SKIL: variants seen among roughly 807,000 people sequenced by gnomAD.
SKIL encodes the protein ski-like protein.
In SKIL, 20 loss-of-function variants were observed where a neutral mutation model predicts 69.6. The ratio of observed to expected loss-of-function variants is 0.29; its 90% CI spans 0.20 to 0.42. The LOEUF (loss-of-function observed/expected upper bound fraction) is 0.42, where lower values mean the gene tolerates loss of function less well. Among genes scored for constraint, SKIL ranks in the 10% least tolerant of loss-of-function variants. The pLI is 1.00. For synonymous variants in SKIL, 310 were observed against 279.9 expected (o/e 1.11, Z -1.08); for missense variants, 745 against 783.1 (o/e 0.95, Z 0.58).
In SKIL at chr3:170,392,263, C is replaced by G. The variant is rs1240953256; in HGVS notation, c.1901C>G (p.Ala634Gly). The change falls in exon 7 of 7, where the codon GCA (alanine) becomes GGA (glycine). Residue 634 changes from alanine to glycine, a missense_variant. By Grantham distance (60) the Ala-to-Gly change is moderately conservative. Transcript: ENST00000259119. ...DKEAEYAGQL[A>G]ELRQRLDHAE... ...AGCGCCTTTTAAATCACATAGTTGG[C>G]AGAACTGAGGCAGAGATTGGACCAT... 2.5e-6 allele frequency: 4 copies of G among 1,593,070 alleles called. No individual in the cohort carries two copies. The Admixed American group carries it at 7.2e-5, about 29-fold the overall frequency.
intron 6 of SKIL, among the ~76,000 whole-genome samples, chr3:170,391,552 C>T (rs536210276): frequency 6.6e-6 from 1 of 152,180 alleles, no homozygotes; most frequent in Non-Finnish European, 1.5e-5. Flanking sequence ...AACTCCTGAC[C>T]TCATGATCTG....
rs1425332535 is a variant in SKIL, at chr3:170,384,664, G to A, written c.1328G>A (p.Ser443Asn). Residue 443 changes from serine to asparagine, a missense_variant, in exon 4 of 7, where the codon AGT becomes AAT. Coordinates refer to ENST00000259119, the MANE Select transcript of SKIL (RefSeq NM_005414.5). ...SISRQSEKAH[S>N]SGKLQKTVSY... ...TCAAGACAGTCAGAGAAGGCTCACA[G>A]TAGTGGTAAACTTCAAAAAACAGTG... The A allele has an allele frequency of 6.2e-7, 1 of 1,612,504 alleles. No homozygotes were observed. The highest frequency in any genetic ancestry group is 1.1e-5 in the South Asian group (1 of 91,046).
At chr3:170,368,903 A>G (rs1577416718) in intron 2 of SKIL, among the ~76,000 whole-genome samples, 1 of 152,200 alleles carries the variant, frequency 6.6e-6, no homozygotes, top group African/African-American at 2.4e-5. Context: ...TATTCGGTTG[A>G]TACCACATTG....
chr3:170,362,017 C>T (rs1170735623), intron 2 of SKIL, among the ~76,000 whole-genome samples: 1 of 152,106 alleles, frequency 6.6e-6, no homozygotes, highest in East Asian at 1.9e-4. Context: ...CCACAATTCC[C>T]GTGGGCTCAA....
At chr3:170,385,458 A>T (rs1001553622) in intron 4 of SKIL, among the ~76,000 whole-genome samples, 1 of 152,138 alleles carries the variant, frequency 6.6e-6, no homozygotes, top group Non-Finnish European at 1.5e-5. Context: ...TTATGTAAGT[A>T]AGAGTAGTTA....
rs569134374 is a variant in SKIL at position 170,382,907 on chromosome 3, C to T, written c.1196+1566C>T. On this transcript the variant is annotated intron_variant, in intron 3 of 6. Coordinates refer to ENST00000259119, the MANE Select transcript of SKIL (RefSeq NM_005414.5). The stretch of plus-strand genomic sequence containing the variant: ...CTAATTTTTGTATTTTTAGAAGAGA[C>T]GAGGTTTCACCATGTTGGCCAGGCT... Among the ~76,000 whole-genome samples the T allele has an allele frequency of 1.1e-3, 165 of 149,448 alleles. 1 individual carries two copies. Among genetic ancestry groups the T allele is most frequent in the African/African-American group, 3.7e-3 (151 of 40,594 alleles).
At chr3:170,387,791 G>A (rs1490984830) in intron 4 of SKIL, among the ~76,000 whole-genome samples, 13 of 106,048 alleles carry the variant, frequency 1.2e-4, no homozygotes, top group East Asian at 3.1e-4. Flanking sequence ...AAAATTAGCC[G>A]GGCGTAGTGG....
At chr3:170,367,528 G>A (rs1161830166) in intron 2 of SKIL, among the ~76,000 whole-genome samples, 4 of 149,074 alleles carry the variant, frequency 2.7e-5, no homozygotes, top group Non-Finnish European at 5.9e-5. Flanking sequence ...GTGCAATGGC[G>A]CAATCTTGGC....
intron 2 of SKIL, among the ~76,000 whole-genome samples, chr3:170,370,867 T>C (rs1338256958): frequency 6.6e-6 from 1 of 151,752 alleles, no homozygotes; most frequent in African/African-American, 2.4e-5. Flanking sequence ...ATCGCTTGAG[T>C]TGGGGAGGTT....
At chr3:170,386,490 G>T (rs1417171120) in intron 4 of SKIL, among the ~76,000 whole-genome samples, 8 of 152,078 alleles carry the variant, frequency 5.3e-5, no homozygotes. Context: ...TTTAGAGACA[G>T]AGTCTCACTC....
intron 2 of SKIL, among the ~76,000 whole-genome samples, chr3:170,365,455 T>G (rs1019871009): frequency 6.6e-6 from 1 of 152,152 alleles, no homozygotes; most frequent in Non-Finnish European, 1.5e-5. Flanking sequence ...CAGATTTTGA[T>G]TTTTGGATTT....
Position 170,384,581 on chromosome 3 carries a change from T to C in SKIL, c.1245T>C (p.Leu415=), listed in dbSNP as rs373705278. 71 of 1,612,426 alleles carry C rather than the reference T, an allele frequency of 4.4e-5. 2 individuals carry two copies. The African/African-American group carries it at 5.7e-4, about 13-fold the overall frequency. The part of the protein sequence containing the change: ...CDKVVAPNVS[L]TSAVSQSKEL... Reference sequence around the variant, plus strand: ...AAGTGGTTGCCCCAAATGTGTCACTTACTTCTGCTGTATCCCAGTCTAAAG... The same window carrying C: ...AAGTGGTTGCCCCAAATGTGTCACTCACTTCTGCTGTATCCCAGTCTAAAG... The change falls in exon 4 of 7, where the codon CTT becomes CTC. Residue 415 remains leucine (L), a synonymous_variant. Coordinates refer to ENST00000259119, the MANE Select transcript of SKIL (RefSeq NM_005414.5).
At chr3:170,365,752 C>CTTTTGTTTTTTTTTTTTT (rs1736468496) in intron 2 of SKIL, among the ~76,000 whole-genome samples, 1 of 106,498 alleles carries the variant, frequency 9.4e-6, no homozygotes, top group Non-Finnish European at 1.8e-5. Context: ...TCAAACTAGG[C>CTTTTGTTTTTTTTTTTTT]TTTTTTTTTT....
At chr3:170,359,043 T>A (rs1736083067) in intron 1 of SKIL, among the ~76,000 whole-genome samples, 1 of 152,226 alleles carries the variant, frequency 6.6e-6, no homozygotes, top group South Asian at 2.1e-4. Flanking sequence ...TGTTTTTAAA[T>A]AGGAGATGAA....
At chr3:170,379,484 C>CT (rs1553854054) in intron 2 of SKIL, among the ~76,000 whole-genome samples, 47 of 151,806 alleles carry the variant, frequency 3.1e-4, no homozygotes, top group South Asian at 8.3e-4. Context: ...TCTTGCCCCC[C>CT]CTTTTAAGTA....
chr3:170,390,507 T>C (rs761963659), intron 5 of SKIL, 43 bp downstream of exon 5: 2 of 1,520,916 alleles, frequency 1.3e-6, no homozygotes, highest in Non-Finnish European at 1.8e-6. Context: ...GAAAAGATAC[T>C]TTTGTATATT....
chr3:170,378,085 G>T (rs988125040), intron 2 of SKIL, among the ~76,000 whole-genome samples: 1 of 151,442 alleles, frequency 6.6e-6, no homozygotes, highest in Non-Finnish European at 1.5e-5. Flanking sequence ...GTAAGACAGG[G>T]TTTCACTATA....
rs369210580 is a variant in SKIL at position 170,362,824 on chromosome 3, AAACAC to A, written c.1098+1399_1098+1403del. On this transcript the variant is annotated intron_variant, in intron 2 of 6. Transcript: ENST00000259119. ...AGTAAGACTCCATTTCAAAAAAAAAAAACACAACCACCTATCAGCCAAGGTATCAT... is the reference window on the plus strand; with the variant it reads ...AGTAAGACTCCATTTCAAAAAAAAAAAACCACCTATCAGCCAAGGTATCAT... 6.3e-3 allele frequency among the ~76,000 whole-genome samples: 942 copies of A among 150,478 alleles called. 7 individuals carry two copies. The highest frequency in any genetic ancestry group is 0.021 in the African/African-American group (850 of 40,790).
In SKIL at chr3:170,381,287, T is replaced by G. The variant is rs767077049; in HGVS notation, c.1142T>G (p.Val381Gly). ...ATGGAATTACAGTCATGGTATCCTGTTATAAAGCAGGAAGGTGACCATGTT... is the reference window on the plus strand; with the variant it reads ...ATGGAATTACAGTCATGGTATCCTGGTATAAAGCAGGAAGGTGACCATGTT... ...SGMELQSWYP[V>G]IKQEGDHVSQ... Residue 381 changes from valine to glycine, a missense_variant, in exon 3 of 7, where the codon GTT becomes GGT. By Grantham distance (109) the Val-to-Gly change is moderately radical. Coordinates refer to ENST00000259119, the MANE Select transcript of SKIL (RefSeq NM_005414.5). 8.1e-6 allele frequency: 13 copies of G among 1,600,164 alleles called. No homozygotes were observed. The African/African-American group carries it at 1.2e-4, about 15-fold the overall frequency.
Sources: gnomAD v4.1 joint callset for allele counts (sites outside exome capture counted in the v4.1 genomes callset) on GRCh38, gnomAD v4.1.1 for gene constraint, MANE v1.5 for transcripts, NCBI Gene and HGNC (gene_info 2026-07-23, HGNC 2026-07-21) for gene names.